Variants in MYCBPAP observed in about 807,000 individuals in gnomAD.
MYCBPAP encodes MYCBP associated protein.
MYCBPAP carries 60 observed loss-of-function variants against 106.1 expected under a neutral mutation model. The ratio of observed to expected loss-of-function variants is 0.57; its 90% CI spans 0.46 to 0.70. MYCBPAP has a LOEUF of 0.70. MYCBPAP is among the 30% of genes least tolerant of loss of function. MYCBPAP has a pLI of 0.00. For synonymous variants in MYCBPAP, 407 were observed against 440.6 expected (o/e 0.92, Z 0.95); for missense variants, 1,064 against 1,169.3 (o/e 0.91, Z 1.31).
At chr17:50,525,659 C>CT (rs112712266) in intron 13 of MYCBPAP, among the ~76,000 whole-genome samples, 23 of 131,374 alleles carry the variant, frequency 1.8e-4, no homozygotes, top group South Asian at 7.3e-4. Context: ...GCTAATTTCT[C>CT]TTTTTTTTTT....
At chr17:50,514,210 T>C (rs2033961145) in intron 1 of MYCBPAP, among the ~76,000 whole-genome samples, 1 of 152,204 alleles carries the variant, frequency 6.6e-6, no homozygotes, top group Non-Finnish European at 1.5e-5. Flanking sequence ...TTTAGAACTA[T>C]GTTTGGAATG....
In MYCBPAP at chr17:50,529,156, A is replaced by G. The variant is rs201755547; in HGVS notation, c.2692A>G (p.Met898Val). The G allele has an allele frequency of 6.2e-7, 1 of 1,613,410 alleles. No individual in the cohort carries two copies. Among genetic ancestry groups the G allele is most frequent in the African/African-American group, 1.3e-5 (1 of 75,026 alleles). The part of the protein sequence containing the change: ...SSQEPIDPLV[M>V]GKYTQSLHSE... ...TCAAGAACCCATAGACCCCCTGGTC[A>G]TGGGGAAATACACCCAGAGCCTGCA... The change falls in exon 18 of 19, where the codon ATG becomes GTG. Residue 898 changes from methionine (M) to valine (V), a missense_variant. Transcript: ENST00000323776.
At chr17:50,514,704 G>A in intron 1 of MYCBPAP, 1 of 204,684 alleles carries the variant, frequency 4.9e-6, no homozygotes, top group South Asian at 6.3e-5. Flanking sequence ...TGTCACCCAG[G>A]CTGGAGTGCA....
upstream of MYCBPAP, chr17:50,508,263 T>A: frequency 3.0e-6 from 1 of 329,014 alleles, no homozygotes. Context: ...CCCCGTGGCC[T>A]AGCAGCAGGG....
rs760885512 is a variant in MYCBPAP, at chr17:50,508,610, C to T, written c.-65C>T. The T allele has an allele frequency of 2.6e-6, 4 of 1,554,528 alleles. No individual in the cohort carries two copies. Among genetic ancestry groups the T allele is most frequent in the South Asian group, 1.2e-5 (1 of 86,064 alleles). On this transcript the variant is annotated 5_prime_UTR_variant, in exon 1 of 19. Transcript: ENST00000323776. Reference sequence around the variant, plus strand: ...AGTGGCGGCCGTTGGCTGGCGGGTGCGGCGCAGCCTCGGTGTCTCTGGGCC... The same window carrying T: ...AGTGGCGGCCGTTGGCTGGCGGGTGTGGCGCAGCCTCGGTGTCTCTGGGCC...
At chr17:50,520,498 T>A (rs2034217805) in intron 7 of MYCBPAP, among the ~76,000 whole-genome samples, 1 of 140,036 alleles carries the variant, frequency 7.1e-6, no homozygotes, top group Non-Finnish European at 1.5e-5. Flanking sequence ...AGAGCAAAAC[T>A]CTGTCTTAAA....
Position 50,528,801 on chromosome 17 carries a change from CAA to C in MYCBPAP, c.2516_2517del (p.Lys839ArgfsTer25), listed in dbSNP as rs1433512595. ...QEKKQLGIKD[K>X]EDKKGAKLLG... The stretch of plus-strand genomic sequence containing the variant: ...AAAAGAAGCAACTGGGGATCAAAGA[CAA>C]AGAAGACAAGAAAGGAGCCAAGCTG... On this transcript the variant is annotated frameshift_variant, in exon 17 of 19. Coordinates refer to ENST00000323776, the MANE Select transcript of MYCBPAP (RefSeq NM_032133.6). LOFTEE classifies it high-confidence loss of function. 3.7e-5 allele frequency: 59 copies of C among 1,613,514 alleles called. No homozygotes were observed. Among genetic ancestry groups the C allele is most frequent in the Non-Finnish European group, 4.4e-5 (52 of 1,179,956 alleles).
At chr17:50,528,882 G>A (rs2034545001) in intron 17 of MYCBPAP, 42 bp downstream of exon 17, 1 of 1,608,158 alleles carries the variant, frequency 6.2e-7, no homozygotes, top group Non-Finnish European at 8.5e-7. Context: ...GCTGGGGAGG[G>A]GATTGGAGGG....
chr17:50,512,392 C>G (rs145148006), intron 1 of MYCBPAP, among the ~76,000 whole-genome samples: 1 of 152,292 alleles, frequency 6.6e-6, no homozygotes, highest in African/African-American at 2.4e-5. Context: ...CACTCACGTG[C>G]CATGCTCAGC....
rs17642181 is a variant in MYCBPAP at position 50,523,591 on chromosome 17, T to G, written c.1448-6T>G. On this transcript the variant is annotated splice_region_variant and splice_polypyrimidine_tract_variant and intron_variant, in intron 11 of 18. Coordinates refer to ENST00000323776, the MANE Select transcript of MYCBPAP (RefSeq NM_032133.6). ...GTTGAAAACCTCGGGTCTCTGTCCCTCTCAGGTGTGATTCTGCCTGGAGAA... is the reference window on the plus strand; with the variant it reads ...GTTGAAAACCTCGGGTCTCTGTCCCGCTCAGGTGTGATTCTGCCTGGAGAA... 24,806 of 1,614,104 alleles carry G rather than the reference T, an allele frequency of 0.015. 244 individuals are homozygous for G. The highest frequency in any genetic ancestry group is 0.027 in the Admixed American group (1,632 of 60,018).
intron 16 of MYCBPAP, 65 bp from the exon 17 acceptor site, chr17:50,528,630 C>A: frequency 6.3e-7 from 1 of 1,577,118 alleles, no homozygotes; most frequent in Non-Finnish European, 8.6e-7. Flanking sequence ...AGCCTCCTCA[C>A]GTACCTGCAG....
intron 10 of MYCBPAP, chr17:50,522,360 C>A: frequency 3.4e-6 from 1 of 298,312 alleles, no homozygotes; most frequent in Non-Finnish European, 6.6e-6. Flanking sequence ...CCAAAATATT[C>A]TTCAGATGCT....
At chr17:50,521,516 G>T in intron 9 of MYCBPAP, 85 bp downstream of exon 9, 1 of 1,029,036 alleles carries the variant, frequency 9.7e-7, no homozygotes, top group Non-Finnish European at 1.5e-6. Context: ...CCCTCCCTGA[G>T]ATCAGGGTGC....
Position 50,528,846 on chromosome 17 carries a change from C to A in MYCBPAP, c.2553+6C>A. ...CCAAGCTGCTCGGGAAAGAGGCATGCTGGGGCGTGGTCTGGGCCAGGTGGG... is the reference window on the plus strand; with the variant it reads ...CCAAGCTGCTCGGGAAAGAGGCATGATGGGGCGTGGTCTGGGCCAGGTGGG... On this transcript the variant is annotated splice_donor_region_variant and intron_variant, in intron 17 of 18. Coordinates refer to ENST00000323776, the MANE Select transcript of MYCBPAP (RefSeq NM_032133.6). 6.2e-7 allele frequency: 1 copy of A among 1,609,278 alleles called. No individual in the cohort carries two copies. The highest frequency in any genetic ancestry group is 8.5e-7 in the Non-Finnish European group (1 of 1,178,758).
At position 50,514,551 on chromosome 17, in the gene MYCBPAP, G is replaced by A. The variant is rs376744411; in HGVS notation, c.77-2019G>A. The stretch of plus-strand genomic sequence containing the variant: ...AAAGGAAGGCAGGGAGTGTGTCCTC[G>A]TTGGAGAGTGACCTGTGACCCCCTT... On this transcript the variant is annotated intron_variant, in intron 1 of 18. Transcript: ENST00000323776. Among the ~76,000 whole-genome samples the A allele has an allele frequency of 2.3e-4, 35 of 152,286 alleles. No homozygotes were observed. The East Asian group carries it at 3.3e-3, about 14-fold the overall frequency.
rs143966816 is a variant in MYCBPAP, at chr17:50,530,920, G to T, written c.2725-407G>T. Among the ~76,000 whole-genome samples the T allele has an allele frequency of 4.9e-3, 740 of 152,230 alleles. 8 individuals are homozygous for T. Among genetic ancestry groups the T allele is most frequent in the African/African-American group, 0.017 (687 of 41,520 alleles). Reference sequence around the variant, plus strand: ...TGGTTTGAAAAGTAAAACTGCAAAAGCAGGTGGATTGCTTGAGCCCAGGAG... The same window carrying T: ...TGGTTTGAAAAGTAAAACTGCAAAATCAGGTGGATTGCTTGAGCCCAGGAG... On this transcript the variant is annotated intron_variant, in intron 18 of 18. Transcript: ENST00000323776.
At chr17:50,518,884 C>T (rs1031554912) in intron 5 of MYCBPAP, 90 bp from the exon 6 acceptor site, 12 of 1,449,060 alleles carry the variant, frequency 8.3e-6, no homozygotes, top group Non-Finnish European at 1.2e-5. Context: ...CTGAAATCAG[C>T]CCTGTGAGGG....
At chr17:50,522,843 G>A in intron 10 of MYCBPAP, 96 bp from the exon 11 acceptor site, 2 of 1,273,532 alleles carry the variant, frequency 1.6e-6, no homozygotes, top group East Asian at 2.4e-5. Flanking sequence ...GAGACTTGCA[G>A]TGCTAAAGCC....
chr17:50,521,731 G>A (rs9912112), intron 9 of MYCBPAP, among the ~76,000 whole-genome samples: 117,612 of 152,122 alleles, frequency 0.77, 46,103 homozygotes, highest in African/African-American at 0.9. Context: ...TGGAGAGTCT[G>A]TGTATTTCTG....
Sources: allele counts gnomAD v4.1 joint callset (sites outside exome capture counted in the v4.1 genomes callset), GRCh38; gene constraint gnomAD v4.1.1; transcripts MANE v1.5; gene names NCBI Gene and HGNC (gene_info 2026-07-23, HGNC 2026-07-21).